RERE: variants seen among roughly 807,000 people sequenced by gnomAD.
RERE encodes arginine-glutamic acid dipeptide repeats protein.
A neutral mutation model predicts 146.1 loss-of-function variants in RERE; 40 were observed. The ratio of observed to expected loss-of-function variants is 0.27; its 90% confidence interval spans 0.21 to 0.36. The LOEUF is 0.36. RERE is among the 10% of genes least tolerant of loss of function. RERE has a pLI of 1.00. For synonymous variants in RERE, 1,003 were observed against 866.0 expected (o/e 1.16, Z -2.78); for missense variants, 1,933 against 2,138.7 (o/e 0.90, Z 1.90).
intron 7 of RERE, among the ~76,000 whole-genome samples, chr1:8,523,136 A>G (rs112636896): frequency 7.3e-4 from 111 of 152,314 alleles, no homozygotes; most frequent in African/African-American, 2.7e-3. Context: ...GGCTGCAGTG[A>G]GCTGAGATCA....
chr1:8,788,544 T>C (rs1207602250), intron 1 of RERE, among the ~76,000 whole-genome samples: 3 of 152,094 alleles, frequency 2.0e-5, no homozygotes, highest in African/African-American at 7.2e-5. Flanking sequence ...TCTGTATTTT[T>C]AGTAGAGATG....
chr1:8,737,987 G>A (rs1640233919), intron 1 of RERE, among the ~76,000 whole-genome samples: 1 of 152,180 alleles, frequency 6.6e-6, no homozygotes, highest in Non-Finnish European at 1.5e-5. Flanking sequence ...GCACACTGTG[G>A]AATATAAGGA....
chr1:8,472,109 G>T (rs1346740027), intron 10 of RERE, among the ~76,000 whole-genome samples: 1 of 152,188 alleles, frequency 6.6e-6, no homozygotes, highest in African/African-American at 2.4e-5. Flanking sequence ...ACTGCACCCA[G>T]CCAAAGTTTT....
chr1:8,601,626 CCACACA>C (rs3082094), intron 4 of RERE, among the ~76,000 whole-genome samples: 2,651 of 94,796 alleles, frequency 0.028, 34 homozygotes, highest in Middle Eastern at 0.095. Context: ...TCCAAGGTCA[CCACACA>C]CACACACACA....
intron 1 of RERE, among the ~76,000 whole-genome samples, chr1:8,782,511 G>C (rs1183049439): frequency 1.3e-5 from 2 of 152,106 alleles, no homozygotes; most frequent in African/African-American, 2.4e-5. Context: ...CTCCAACCCA[G>C]GTTTCTCACA....
intron 8 of RERE, among the ~76,000 whole-genome samples, chr1:8,507,987 C>T (rs1256567074): frequency 1.3e-5 from 2 of 152,136 alleles, no homozygotes; most frequent in African/African-American, 4.8e-5. Flanking sequence ...GATCTGCCCA[C>T]CTCAACCTTC....
At chr1:8,769,583 G>T (rs35265489) in intron 1 of RERE, among the ~76,000 whole-genome samples, 1 of 151,882 alleles carries the variant, frequency 6.6e-6, no homozygotes, top group East Asian at 1.9e-4. Context: ...AGGCTCAAGC[G>T]ATCCTCCCAT....
chr1:8,709,719 T>C (rs1328765528), intron 1 of RERE, among the ~76,000 whole-genome samples: 4 of 152,202 alleles, frequency 2.6e-5, no homozygotes, highest in Non-Finnish European at 4.4e-5. Flanking sequence ...ATAATTATTA[T>C]ATAACAAGCC....
intron 1 of RERE, among the ~76,000 whole-genome samples, chr1:8,761,647 G>A (rs192194444): frequency 4.6e-5 from 7 of 152,298 alleles, no homozygotes; most frequent in Admixed American, 3.9e-4. Context: ...GCCGGGCATG[G>A]TGGCTCATGC....
At chr1:8,731,141 C>T (rs959889563) in intron 1 of RERE, among the ~76,000 whole-genome samples, 4 of 152,114 alleles carry the variant, frequency 2.6e-5, no homozygotes, top group East Asian at 1.9e-4. Context: ...AATACCTGAA[C>T]GGTAATTTTG....
chr1:8,366,024 G>A, intron 12 of RERE, 50 bp from the exon 13 acceptor site: 3 of 1,575,760 alleles, frequency 1.9e-6, no homozygotes, highest in Non-Finnish European at 8.7e-7. Flanking sequence ...GCTTTTCCGT[G>A]CCCCACGCAC....
intron 12 of RERE, among the ~76,000 whole-genome samples, chr1:8,374,952 T>G (rs1033622758): frequency 6.6e-6 from 1 of 152,168 alleles, no homozygotes; most frequent in African/African-American, 2.4e-5. Flanking sequence ...TGCTGCCTTC[T>G]TCTCCATGAA....
chr1:8,413,245 A>G (rs1643662061), intron 12 of RERE, among the ~76,000 whole-genome samples: 1 of 152,224 alleles, frequency 6.6e-6, no homozygotes, highest in Non-Finnish European at 1.5e-5. Flanking sequence ...ATATAAATAC[A>G]TATATGCATT....
rs569048290 is a variant in RERE, at chr1:8,763,973, G to C, written c.-145+53187C>G. 1.1e-4 allele frequency among the ~76,000 whole-genome samples: 16 copies of C among 151,398 alleles called. No homozygotes were observed. In the Middle Eastern group the frequency reaches 0.021, roughly 196 times the overall value. On this transcript the variant is annotated intron_variant, in intron 1 of 22. Transcript: ENST00000400908. ...AAAAAAAAGTCCCTCCTATAATTCA[G>C]GAAGTGAAGGTGCTAGTTGACTGTT...
At chr1:8,412,756 A>C (rs1643648650) in intron 12 of RERE, among the ~76,000 whole-genome samples, 1 of 152,266 alleles carries the variant, frequency 6.6e-6, no homozygotes, top group African/African-American at 2.4e-5. Flanking sequence ...CCAGTGTGGC[A>C]GAGTGAACCC....
chr1:8,815,451 G>A (rs1396037859), intron 1 of RERE, among the ~76,000 whole-genome samples: 2 of 152,018 alleles, frequency 1.3e-5, no homozygotes, highest in African/African-American at 4.8e-5. Context: ...GGGTCAATGA[G>A]AAATACAAAA....
At chr1:8,537,313 G>A (rs554310596) in intron 7 of RERE, among the ~76,000 whole-genome samples, 2 of 152,282 alleles carry the variant, frequency 1.3e-5, no homozygotes, top group East Asian at 3.9e-4. Context: ...CCAGAATTCA[G>A]AATTTTTATT....
chr1:8,670,828 T>A (rs534837724), intron 1 of RERE, among the ~76,000 whole-genome samples: 1 of 152,326 alleles, frequency 6.6e-6, no homozygotes, highest in East Asian at 1.9e-4. Context: ...GGTGGAGTTT[T>A]GCATAGAGAA....
Position 8,360,162 on chromosome 1 carries a change from G to A in RERE, c.3345C>T (p.Ser1115=). 5 of 1,599,746 alleles carry A rather than the reference G, an allele frequency of 3.1e-6. No individual in the cohort carries two copies. Among genetic ancestry groups the A allele is most frequent in the Non-Finnish European group, 4.3e-6 (5 of 1,173,444 alleles). The change falls in exon 18 of 23, where the codon TCC becomes TCT. Residue 1115 remains serine (S), a synonymous_variant. Transcript: ENST00000400908. ...ESPPPPPRSP[S]PEPTVVDTPS... is the part of the protein sequence containing the mutation. ...GGGTGTCCACCACAGTGGGCTCCGG[G>A]GACGGGCTCCTTGGTGGGGGAGGGG...
Sources: allele counts gnomAD v4.1 joint callset (sites outside exome capture counted in the v4.1 genomes callset), GRCh38; gene constraint gnomAD v4.1.1; transcripts MANE v1.5; gene names NCBI Gene and HGNC (gene_info 2026-07-23, HGNC 2026-07-21).